The following LARGE1 variants were observed in gnomAD, a reference collection of about 807,000 sequenced individuals.
LARGE1 encodes LARGE xylosyl- and glucuronyltransferase 1.
A neutral mutation model predicts 87.6 loss-of-function variants in LARGE1; 43 were observed. The ratio of observed to expected loss-of-function variants is 0.49; its 90% CI spans 0.38 to 0.63. LARGE1 has a LOEUF of 0.63. Ranked by LOEUF, LARGE1 falls within the 30% of genes least tolerant of loss-of-function variation. LARGE1 has a pLI of 0.00. For synonymous variants in LARGE1, 434 were observed against 394.6 expected, an observed-to-expected ratio of 1.10 and a Z score of -1.18; for missense variants, 802 against 1,000.2, an observed-to-expected ratio of 0.80 and a Z score of 2.67.
intron 1 of LARGE1, among the ~76,000 whole-genome samples, chr22:33,768,095 G>A (rs1044380355): frequency 1.3e-5 from 2 of 152,212 alleles, no homozygotes; most frequent in Non-Finnish European, 2.9e-5. Context: ...GAATCATGAG[G>A]TCAGGAGATT....
intron 1 of LARGE1, among the ~76,000 whole-genome samples, chr22:33,822,922 A>T (rs747977849): frequency 6.6e-6 from 1 of 152,098 alleles, no homozygotes; most frequent in Non-Finnish European, 1.5e-5. Context: ...CCAAGTTCCA[A>T]TTTCCTCTGG....
intron 6 of LARGE1, among the ~76,000 whole-genome samples, chr22:33,445,458 G>A (rs1003720412): frequency 1.3e-5 from 2 of 152,018 alleles, no homozygotes; most frequent in African/African-American, 2.4e-5. Context: ...GAAGGAAATC[G>A]GGAAGGGAGG....
At chr22:33,106,493 CTT>C in the LARGE1 span, among the ~76,000 whole-genome samples, 47 of 146,992 alleles carry the variant, frequency 3.2e-4, no homozygotes, top group Non-Finnish European at 6.2e-4. Context: ...TTCGCCATTC[CTT>C]TTTTTTTTTT....
intron 6 of LARGE1, among the ~76,000 whole-genome samples, chr22:33,518,132 T>A (rs2071399028): frequency 6.6e-6 from 1 of 152,232 alleles, no homozygotes; most frequent in Non-Finnish European, 1.5e-5. Context: ...GAAGCTAGAA[T>A]AATGGTTAAT....
intron 11 of LARGE1, among the ~76,000 whole-genome samples, chr22:33,241,926 T>C (rs1032140589): frequency 1.5e-5 from 2 of 131,676 alleles, no homozygotes; most frequent in African/African-American, 7.6e-5. Flanking sequence ...GAATCAGCTT[T>C]AGTGATCTAT....
chr22:33,370,397 TTTG>T (rs2064763663), intron 9 of LARGE1, among the ~76,000 whole-genome samples: 1 of 152,150 alleles, frequency 6.6e-6, no homozygotes, highest in African/African-American at 2.4e-5. Context: ...TGTAAACTCA[TTTG>T]AAGCTGAAGA....
rs537805220 is a variant in LARGE1, at chr22:33,325,445, A to AT, written c.1288-9198_1288-9197insA. On this transcript the variant is annotated intron_variant, in intron 10 of 14. Transcript: ENST00000397394. ...TCTTGGCTGACAGCCAGAGCAAGAG[A>AT]ATCCTGTAGAGCAGGCTGGGGTTCT... Among the ~76,000 whole-genome samples the AT allele has an allele frequency of 9.3e-4, 141 of 152,332 alleles. 3 individuals carry two copies. Among genetic ancestry groups the AT allele is most frequent in the Admixed American group, 8.0e-3 (122 of 15,300 alleles).
At chr22:33,269,733 C>T (rs1041422222), downstream of LARGE1, among the ~76,000 whole-genome samples, 9 of 148,234 alleles carry the variant, frequency 6.1e-5, no homozygotes, top group Admixed American at 1.4e-4. Flanking sequence ...CCTGAGCCAC[C>T]GGTGGCTCAC....
intron 11 of LARGE1, among the ~76,000 whole-genome samples, chr22:33,260,571 AATGAG>A (rs61294272): frequency 0.23 from 35,469 of 151,940 alleles, 4,314 homozygotes; most frequent in Middle Eastern, 0.32. Flanking sequence ...CTGGGGATTA[AATGAG>A]ATAATGCCGG....
intron 2 of LARGE1, among the ~76,000 whole-genome samples, chr22:33,723,283 G>A (rs910054906): frequency 8.5e-5 from 13 of 152,186 alleles, no homozygotes; most frequent in African/African-American, 3.1e-4. Context: ...GTTGGCTGCA[G>A]ACCAAGCCCA....
chr22:33,515,821 G>A (rs917443787), intron 6 of LARGE1, among the ~76,000 whole-genome samples: 30 of 152,264 alleles, frequency 2.0e-4, no homozygotes, highest in African/African-American at 7.2e-4. Context: ...ATCAGGATGA[G>A]AGGTGACGAG....
chr22:33,708,793 G>A (rs1238706600), intron 2 of LARGE1, among the ~76,000 whole-genome samples: 1 of 152,176 alleles, frequency 6.6e-6, no homozygotes. Flanking sequence ...TAAAGTCGGG[G>A]TTTCACGATG....
chr22:33,269,953 C>T (rs371314869), downstream of LARGE1, among the ~76,000 whole-genome samples: 9 of 150,068 alleles, frequency 6.0e-5, no homozygotes, highest in Non-Finnish European at 8.8e-5. Context: ...TGCAGTGAGC[C>T]GAGATCGCGC....
chr22:33,146,022 TC>T, the LARGE1 span, among the ~76,000 whole-genome samples: 1 of 152,166 alleles, frequency 6.6e-6, no homozygotes, highest in South Asian at 2.1e-4. Flanking sequence ...CCCATTCAAC[TC>T]CTTTATTAAG....
At chr22:33,434,788 GTCTAATT>G (rs2067205329) in intron 6 of LARGE1, among the ~76,000 whole-genome samples, 1 of 152,116 alleles carries the variant, frequency 6.6e-6, no homozygotes, top group African/African-American at 2.4e-5. Flanking sequence ...GTTGCCTGTG[GTCTAATT>G]TCTACCTTGC....
upstream of LARGE1, among the ~76,000 whole-genome samples, chr22:33,921,334 G>T (rs956220825): frequency 6.6e-6 from 1 of 152,214 alleles, no homozygotes; most frequent in Admixed American, 6.5e-5. The surrounding 1 kb of genome is among the most constrained non-coding windows in gnomAD (Gnocchi z 4.1). Flanking sequence ...AACCCCGGCG[G>T]CTCCCGGCCG....
chr22:33,160,091 A>C (rs1022637150), downstream of LARGE1, among the ~76,000 whole-genome samples: 1 of 152,376 alleles, frequency 6.6e-6, no homozygotes, highest in Admixed American at 6.5e-5. Flanking sequence ...ACAAAGTAGC[A>C]TAATCCACTT....
At chr22:33,360,681 AG>A (rs1250873019) in intron 9 of LARGE1, among the ~76,000 whole-genome samples, 3 of 149,580 alleles carry the variant, frequency 2.0e-5, no homozygotes, top group African/African-American at 4.9e-5. Context: ...TGAGATTTGG[AG>A]GGGGACACAG....
At position 33,373,799 on chromosome 22, in the gene LARGE1, C is replaced by T. The variant is rs192116807; in HGVS notation, c.1131+8120G>A. On this transcript the variant is annotated intron_variant, in intron 9 of 14. Coordinates refer to ENST00000397394, the MANE Select transcript of LARGE1 (RefSeq NM_133642.5). Reference sequence around the variant, plus strand: ...ACCATCCTGGATAACATGGTGAAACCCTGTCTCTACTAAAAATACAACAAA... The same window carrying T: ...ACCATCCTGGATAACATGGTGAAACTCTGTCTCTACTAAAAATACAACAAA... Among the ~76,000 whole-genome samples the T allele has an allele frequency of 1.3e-3, 193 of 151,924 alleles. 1 individual carries two copies. The highest frequency in any genetic ancestry group is 4.6e-3 in the African/African-American group (191 of 41,436).
Sources: allele counts gnomAD v4.1 joint callset (sites outside exome capture counted in the v4.1 genomes callset), GRCh38; gene constraint gnomAD v4.1.1; non-coding constraint Gnocchi (gnomAD v3.1); transcripts MANE v1.5; gene names NCBI Gene and HGNC (gene_info 2026-07-23, HGNC 2026-07-21).